Variants in PKHD1 observed in about 807,000 individuals in gnomAD.
PKHD1 encodes fibrocystin.
A neutral mutation model predicts 412.0 loss-of-function variants in PKHD1; 291 were observed. The ratio of observed to expected loss-of-function variants is 0.71; its 90% confidence interval spans 0.64 to 0.78. The LOEUF is 0.78. Among genes scored for constraint, PKHD1 ranks in the 30% least tolerant of loss-of-function variants. PKHD1 has a pLI of 0.00. For synonymous variants in PKHD1, 1,777 were observed against 1,821.5 expected (o/e 0.98, Z 0.62); for missense variants, 4,825 against 4,950.7 (o/e 0.97, Z 0.76).
At chr6:51,936,926 G>A (rs1375074225) in intron 36 of PKHD1, among the ~76,000 whole-genome samples, 1 of 152,128 alleles carries the variant, frequency 6.6e-6, no homozygotes, top group Non-Finnish European at 1.5e-5. Flanking sequence ...TCTCTTGTGG[G>A]GAAAATCTAC....
At chr6:51,653,319 C>A (rs952660587) in intron 61 of PKHD1, among the ~76,000 whole-genome samples, 1 of 152,060 alleles carries the variant, frequency 6.6e-6, no homozygotes, top group African/African-American at 2.4e-5. Flanking sequence ...AGCAAATAGC[C>A]AATTCCTAAG....
chr6:51,655,407 C>T (rs1771653513), intron 61 of PKHD1, among the ~76,000 whole-genome samples: 1 of 152,044 alleles, frequency 6.6e-6, no homozygotes, highest in Admixed American at 6.6e-5. Flanking sequence ...TCCAAAGCAA[C>T]CTGATAGGGT....
intron 40 of PKHD1, among the ~76,000 whole-genome samples, chr6:51,907,876 A>G (rs897945261): frequency 6.6e-6 from 1 of 152,102 alleles, no homozygotes; most frequent in East Asian, 1.9e-4. Context: ...TAAGCACTGA[A>G]CTCTTTTTCA....
intron 55 of PKHD1, among the ~76,000 whole-genome samples, chr6:51,756,246 C>G (rs141681864): frequency 6.6e-6 from 1 of 152,152 alleles, no homozygotes; most frequent in Admixed American, 6.5e-5. Context: ...AGAAAACTCC[C>G]AGTTACAGAA....
chr6:52,026,329 C>G, intron 31 of PKHD1, 148 bp from the exon 32 acceptor site: 1 of 755,136 alleles, frequency 1.3e-6, no homozygotes, highest in Non-Finnish European at 2.3e-6. Flanking sequence ...CCCACCAAAG[C>G]TAAATTTGTG....
intron 60 of PKHD1, among the ~76,000 whole-genome samples, chr6:51,704,612 T>C (rs1050084869): frequency 3.3e-5 from 5 of 152,000 alleles, no homozygotes; most frequent in African/African-American, 1.2e-4. Context: ...TTGCAAGTCT[T>C]TGTGACTCTG....
chr6:51,617,871 GA>G lies in PKHD1; in HGVS notation c.*1209del, dbSNP rs1766198001. The G allele has an allele frequency of 6.6e-6, 1 of 152,136 alleles. No homozygotes were observed. The highest frequency in any genetic ancestry group is 1.5e-5 in the Non-Finnish European group (1 of 68,026). The allele number at this position is 152,136 out of a possible 1,614,324, so 9.4% of individuals were successfully genotyped here. A position where few individuals can be genotyped will look rare whatever the true frequency, so the allele number is the denominator to read the frequency against. On this transcript the variant is annotated 3_prime_UTR_variant, in exon 67 of 67. Coordinates refer to ENST00000371117, the MANE Select transcript of PKHD1 (RefSeq NM_138694.4). ...TACACAACAACCCCTTAACATTGTA[GA>G]GATTGGAAAATCCTGGTTTTCAGGA...
chr6:51,910,373 T>C (rs1190441455), intron 39 of PKHD1, among the ~76,000 whole-genome samples: 3 of 152,150 alleles, frequency 2.0e-5, no homozygotes, highest in African/African-American at 7.2e-5. Flanking sequence ...TCATTTGCTA[T>C]TACCCAGAGA....
intron 51 of PKHD1, among the ~76,000 whole-genome samples, chr6:51,831,587 CTA>C (rs1431730130): frequency 1.3e-5 from 2 of 152,136 alleles, no homozygotes; most frequent in African/African-American, 4.8e-5. Context: ...TTAACTGTCT[CTA>C]TGCAAATTTC....
chr6:51,677,825 CCTT>C (rs1336370846), intron 60 of PKHD1, among the ~76,000 whole-genome samples: 1 of 151,828 alleles, frequency 6.6e-6, no homozygotes, highest in South Asian at 2.1e-4. Context: ...CCCAATAGAC[CCTT>C]CTTCTGATTC....
At chr6:51,760,516 T>A (rs979769778) in intron 55 of PKHD1, among the ~76,000 whole-genome samples, 8 of 152,026 alleles carry the variant, frequency 5.3e-5, no homozygotes, top group Non-Finnish European at 1.2e-4. Context: ...TCTGATGTAA[T>A]GGAATCTTTA....
intron 33 of PKHD1, among the ~76,000 whole-genome samples, chr6:52,022,494 T>C (rs956888843): frequency 6.6e-6 from 1 of 152,288 alleles, no homozygotes; most frequent in Admixed American, 6.5e-5. Context: ...TCATTGAAAC[T>C]AATATTCAGA....
At chr6:51,957,882 C>T (rs996403952) in intron 36 of PKHD1, among the ~76,000 whole-genome samples, 3 of 152,108 alleles carry the variant, frequency 2.0e-5, no homozygotes, top group Non-Finnish European at 4.4e-5. Context: ...GCCAGCATCA[C>T]TTATTTTAGA....
Position 52,053,694 on chromosome 6 carries a change from G to T in PKHD1, c.1964+344C>A, listed in dbSNP as rs141449035. Among the ~76,000 whole-genome samples the T allele has an allele frequency of 4.6e-5, 7 of 152,170 alleles. No homozygotes were observed. In the South Asian group the frequency reaches 1.0e-3, roughly 23 times the overall value. On this transcript the variant is annotated intron_variant, in intron 20 of 66. Coordinates refer to ENST00000371117, the MANE Select transcript of PKHD1 (RefSeq NM_138694.4). ...TCAAGACAGCTGAATTTTATTCCAG[G>T]GTCACTAGCTGAATGAATTTTGATG...
chr6:51,926,285 C>T (rs1266072304), intron 37 of PKHD1, among the ~76,000 whole-genome samples: 1 of 152,128 alleles, frequency 6.6e-6, no homozygotes, highest in African/African-American at 2.4e-5. Context: ...AAAGCAGAAC[C>T]AAGAGTCGCA....
intron 60 of PKHD1, among the ~76,000 whole-genome samples, chr6:51,727,042 G>A (rs948724267): frequency 2.0e-5 from 3 of 152,174 alleles, no homozygotes; most frequent in Non-Finnish European, 4.4e-5. Context: ...ATTAGCTATT[G>A]CTGATTTTGA....
chr6:51,632,616 G>T lies in PKHD1; in HGVS notation c.11614C>A (p.Leu3872Met). 1 of 1,613,368 alleles carries T rather than the reference G, an allele frequency of 6.2e-7. No individual in the cohort carries two copies. The highest frequency in any genetic ancestry group is 8.5e-7 in the Non-Finnish European group (1 of 1,179,598). Residue 3872 changes from leucine to methionine, a missense_variant, in exon 65 of 67, where the codon CTG becomes ATG. Transcript: ENST00000371117. Reference protein sequence around the residue: ...AASLSSVASWLALSCLVCCWL... With the variant: ...AASLSSVASWMALSCLVCCWL... ...CAGCACACCAGACAGCTCAGAGCCA[G>T]CCATGAGGCCACAGAGGACAGGGAA...
At chr6:52,036,205 T>G (rs953729449) in intron 27 of PKHD1, among the ~76,000 whole-genome samples, 1 of 152,216 alleles carries the variant, frequency 6.6e-6, no homozygotes. Flanking sequence ...GTCAACATTT[T>G]CCTCATCTTT....
At position 51,934,321 on chromosome 6, in the gene PKHD1, C is replaced by T. The variant is rs200730851; in HGVS notation, c.5910G>A (p.Gly1970=). ...TSILNLLHIK[G]GKLIFMAPGP... is the part of the protein sequence containing the mutation. ...CTGGGGCCATGAAAATCAGCTTGCC[C>T]CCTAATGGACAAAGGGAAAATTGTC... Residue 1970 remains glycine (G), a splice_region_variant and synonymous_variant, in exon 37 of 67, where the codon GGG becomes GGA. Coordinates refer to ENST00000371117, the MANE Select transcript of PKHD1 (RefSeq NM_138694.4). The T allele has an allele frequency of 1.1e-4, 173 of 1,608,012 alleles. No homozygotes were observed. The highest frequency in any genetic ancestry group is 6.7e-5 in the Admixed American group (4 of 59,980).
Sources: allele counts gnomAD v4.1 joint callset (sites outside exome capture counted in the v4.1 genomes callset), GRCh38; gene constraint gnomAD v4.1.1; transcripts MANE v1.5; gene names NCBI Gene and HGNC (gene_info 2026-07-23, HGNC 2026-07-21).